The following CNTN3 variants were observed in gnomAD, a reference collection of about 807,000 sequenced individuals.
The protein encoded by CNTN3 is contactin-3.
In CNTN3, 60 loss-of-function variants were observed where a neutral mutation model predicts 119.1. The observed-to-expected ratio is 0.50, with a 90% confidence interval of 0.41 to 0.62. The LOEUF (loss-of-function observed/expected upper bound fraction) is 0.62, where lower values mean the gene tolerates loss of function less well. Among genes scored for constraint, CNTN3 ranks in the 20% least tolerant of loss-of-function variants. CNTN3 has a pLI of 0.00. For synonymous variants in CNTN3, 450 were observed against 438.7 expected (o/e 1.03, Z -0.32); for missense variants, 1,101 against 1,242.4 (o/e 0.89, Z 1.71).
chr3:74,419,703 C>T (rs1701587061), intron 5 of CNTN3, among the ~76,000 whole-genome samples: 1 of 152,160 alleles, frequency 6.6e-6, no homozygotes, highest in African/African-American at 2.4e-5. Context: ...GGGACAGACT[C>T]AAGCCTGTTT....
In CNTN3 at chr3:74,471,711, A is replaced by G. The variant is rs1290923879; in HGVS notation, c.358+14745T>C. 2.0e-5 allele frequency among the ~76,000 whole-genome samples: 3 copies of G among 152,200 alleles called. No homozygotes were observed. In the South Asian group the frequency reaches 6.2e-4, roughly 32 times the overall value. On this transcript the variant is annotated intron_variant, in intron 4 of 22. Coordinates refer to ENST00000263665, the MANE Select transcript of CNTN3 (RefSeq NM_020872.3). ...GAAATACATGTGATTCAAGTCTAGAACATTCTGGGCTCTTTTTCACTTCTG... is the reference window on the plus strand; with the variant it reads ...GAAATACATGTGATTCAAGTCTAGAGCATTCTGGGCTCTTTTTCACTTCTG...
chr3:74,468,130 T>C (rs78732521), intron 4 of CNTN3, among the ~76,000 whole-genome samples: 1 of 152,198 alleles, frequency 6.6e-6, no homozygotes, highest in Admixed American at 6.5e-5. Flanking sequence ...TTAGGTCTTA[T>C]AAAATCATAC....
At chr3:74,488,701 T>C (rs1021736547) in intron 3 of CNTN3, among the ~76,000 whole-genome samples, 8 of 152,186 alleles carry the variant, frequency 5.3e-5, no homozygotes, top group African/African-American at 1.9e-4. Context: ...TCTGTTTTCC[T>C]TCACATATGA....
At chr3:74,486,245 C>T (rs1702856068) in intron 4 of CNTN3, among the ~76,000 whole-genome samples, 1 of 151,340 alleles carries the variant, frequency 6.6e-6, no homozygotes, top group Non-Finnish European at 1.5e-5. Flanking sequence ...CACATGCACA[C>T]CAGCATACAC....
chr3:74,330,783 C>T (rs1405668975), intron 13 of CNTN3, among the ~76,000 whole-genome samples: 1 of 151,848 alleles, frequency 6.6e-6, no homozygotes, highest in Non-Finnish European at 1.5e-5. Flanking sequence ...GATCCTGACC[C>T]TGCGTAGGCC....
intron 4 of CNTN3, among the ~76,000 whole-genome samples, chr3:74,430,231 A>G (rs1472055724): frequency 6.6e-6 from 1 of 152,198 alleles, no homozygotes; most frequent in Non-Finnish European, 1.5e-5. Context: ...CCTAAACTGG[A>G]AACAACCCAA....
intron 10 of CNTN3, among the ~76,000 whole-genome samples, chr3:74,364,017 G>A (rs973365880): frequency 1.3e-5 from 2 of 152,042 alleles, no homozygotes; most frequent in Non-Finnish European, 2.9e-5. Context: ...GTGGAGCCTT[G>A]GACAATGAAA....
At chr3:74,531,804 A>G (rs978163137) in intron 1 of CNTN3, among the ~76,000 whole-genome samples, 1 of 151,906 alleles carries the variant, frequency 6.6e-6, no homozygotes. Context: ...ATTCAAACAG[A>G]TAGATGTCCT....
chr3:74,530,977 G>T (rs991166760), intron 1 of CNTN3, among the ~76,000 whole-genome samples: 5 of 151,922 alleles, frequency 3.3e-5, no homozygotes, highest in African/African-American at 1.2e-4. Context: ...CACTGCAACA[G>T]GATCCATCAA....
chr3:74,408,851 A>T (rs1018557170), intron 5 of CNTN3, among the ~76,000 whole-genome samples: 1 of 152,202 alleles, frequency 6.6e-6, no homozygotes, highest in Non-Finnish European at 1.5e-5. Flanking sequence ...TGTTTCATAA[A>T]GAGCAACTGG....
At chr3:74,409,282 T>A (rs1374258167) in intron 5 of CNTN3, among the ~76,000 whole-genome samples, 1 of 152,200 alleles carries the variant, frequency 6.6e-6, no homozygotes, top group East Asian at 1.9e-4. Context: ...AATCTCCCAC[T>A]GAATCATATC....
intron 5 of CNTN3, among the ~76,000 whole-genome samples, chr3:74,403,895 T>A (rs1278269642): frequency 2.0e-5 from 3 of 152,000 alleles, no homozygotes; most frequent in Admixed American, 6.6e-5. Flanking sequence ...TCCTTTTTTT[T>A]ATTTTTTTGA....
intron 13 of CNTN3, among the ~76,000 whole-genome samples, chr3:74,321,199 G>C (rs754063269): frequency 1.3e-5 from 2 of 152,094 alleles, no homozygotes; most frequent in African/African-American, 2.4e-5. Flanking sequence ...CTGGGTGATG[G>C]ATTCAAATAC....
At chr3:74,463,241 G>C (rs1367138418) in intron 4 of CNTN3, among the ~76,000 whole-genome samples, 8 of 152,134 alleles carry the variant, frequency 5.3e-5, no homozygotes, top group Admixed American at 5.2e-4. Context: ...TCTGAAGTAA[G>C]TGTGGAAACC....
chr3:74,511,800 C>A (rs1223733760), intron 2 of CNTN3, among the ~76,000 whole-genome samples: 1 of 152,112 alleles, frequency 6.6e-6, no homozygotes, highest in Non-Finnish European at 1.5e-5. Context: ...CTGTTTTACA[C>A]ATTACAAGGG....
chr3:74,294,966 A>T (rs1702309106), intron 19 of CNTN3, among the ~76,000 whole-genome samples, 155 bp downstream of exon 19: 1 of 152,222 alleles, frequency 6.6e-6, no homozygotes, highest in Admixed American at 6.5e-5. Context: ...GGTTAAATTC[A>T]GTATACATGG....
At position 74,401,145 on chromosome 3, in the gene CNTN3, T is replaced by A. The variant is rs74977296; in HGVS notation, c.454+23700A>T. ...TTATATGTGCCTGGCTACTATGAAA[T>A]AAACTCAGTTATTAATGAAAATGTC... On this transcript the variant is annotated intron_variant, in intron 5 of 22. Coordinates refer to ENST00000263665, the MANE Select transcript of CNTN3 (RefSeq NM_020872.3). Among the ~76,000 whole-genome samples, 799 of 151,056 alleles carry A rather than the reference T, an allele frequency of 5.3e-3. 7 individuals carry two copies. The highest frequency in any genetic ancestry group is 0.018 in the African/African-American group (765 of 41,526).
intron 11 of CNTN3, among the ~76,000 whole-genome samples, chr3:74,351,795 C>A (rs1417611483): frequency 2.0e-5 from 3 of 152,138 alleles, no homozygotes; most frequent in Non-Finnish European, 4.4e-5. Flanking sequence ...AGCCCCATCC[C>A]AAACCCAAAC....
At chr3:74,555,827 TG>T (rs1277293342) in intron 1 of CNTN3, among the ~76,000 whole-genome samples, 4 of 152,126 alleles carry the variant, frequency 2.6e-5, no homozygotes, top group African/African-American at 9.7e-5. Flanking sequence ...GTCTTGCTAG[TG>T]GTCTATTTTG....
Sources: gnomAD v4.1 joint callset for allele counts (sites outside exome capture counted in the v4.1 genomes callset) on GRCh38, gnomAD v4.1.1 for gene constraint, MANE v1.5 for transcripts, NCBI Gene and HGNC (gene_info 2026-07-23, HGNC 2026-07-21) for gene names.